The following KIZ variants were observed in gnomAD, a reference collection of about 807,000 sequenced individuals.
KIZ encodes the protein kizuna centrosomal protein.
In KIZ, 68 loss-of-function variants were observed where a neutral mutation model predicts 79.6. That is an observed-to-expected ratio of 0.85 (90% confidence interval 0.70 to 1.05). The LOEUF (loss-of-function observed/expected upper bound fraction) is 1.05. KIZ is among the 50% of genes least tolerant of loss of function. The pLI, the probability that KIZ is intolerant of heterozygous loss-of-function variation, is 0.00. For synonymous variants in KIZ, 280 were observed against 281.8 expected, an observed-to-expected ratio of 0.99 and a Z score of 0.06; for missense variants, 797 against 800.4, an observed-to-expected ratio of 1.00 and a Z score of 0.05.
At chr20:21,219,627 T>C (rs2036435369) in intron 9 of KIZ, among the ~76,000 whole-genome samples, 1 of 152,232 alleles carries the variant, frequency 6.6e-6, no homozygotes. Flanking sequence ...CCTGTGGCTC[T>C]TTAAAAGAGC....
chr20:21,240,118 CTAAT>C (rs2037163290), intron 11 of KIZ, among the ~76,000 whole-genome samples: 1 of 151,866 alleles, frequency 6.6e-6, no homozygotes. Context: ...TTAATTAAAA[CTAAT>C]TAATTAACTA....
chr20:21,205,138 A>G (rs1406887211), intron 6 of KIZ, among the ~76,000 whole-genome samples: 1 of 152,154 alleles, frequency 6.6e-6, no homozygotes, highest in Non-Finnish European at 1.5e-5. Context: ...AAATAAATAA[A>G]TAGATTAAAA....
At chr20:21,133,954 C>T (rs2032010266) in intron 2 of KIZ, among the ~76,000 whole-genome samples, 2 of 152,348 alleles carry the variant, frequency 1.3e-5, no homozygotes, top group African/African-American at 4.8e-5. Context: ...GTAAGGGCAG[C>T]CCCAGGTGGA....
At chr20:21,155,793 C>T (rs1283882036) in intron 4 of KIZ, among the ~76,000 whole-genome samples, 2 of 152,140 alleles carry the variant, frequency 1.3e-5, no homozygotes, top group Non-Finnish European at 1.5e-5. Flanking sequence ...ACTTCATGAC[C>T]TTTCCCTATT....
intron 6 of KIZ, among the ~76,000 whole-genome samples, chr20:21,173,428 A>G (rs1404863759): frequency 6.6e-6 from 1 of 151,898 alleles, no homozygotes; most frequent in Admixed American, 6.6e-5. Flanking sequence ...AAATATAAAA[A>G]TTAGCTGGGT....
intron 1 of KIZ, among the ~76,000 whole-genome samples, chr20:21,128,010 T>G (rs1408157631): frequency 6.6e-6 from 1 of 152,178 alleles, no homozygotes; most frequent in Non-Finnish European, 1.5e-5. Context: ...TGTACCTTTT[T>G]GTTTGTTTGT....
At chr20:21,171,954 GGACATA>G (rs2034225518) in intron 6 of KIZ, among the ~76,000 whole-genome samples, 1 of 152,146 alleles carries the variant, frequency 6.6e-6, no homozygotes, top group African/African-American at 2.4e-5. Context: ...CCAAGGTGCT[GGACATA>G]TAGGTGAAGC....
chr20:21,204,235 C>T (rs901677304), intron 6 of KIZ, among the ~76,000 whole-genome samples: 1 of 147,574 alleles, frequency 6.8e-6, no homozygotes, highest in Non-Finnish European at 1.5e-5. Context: ...CCTGCCTCAG[C>T]CTCCCAAGTA....
At chr20:21,169,113 C>T (rs1466790619) in intron 6 of KIZ, among the ~76,000 whole-genome samples, 2 of 152,140 alleles carry the variant, frequency 1.3e-5, no homozygotes, top group East Asian at 1.9e-4. Flanking sequence ...AGCTTCTGCA[C>T]AGCAAAAGAA....
chr20:21,217,950 G>A (rs1302607269), intron 9 of KIZ, among the ~76,000 whole-genome samples: 2 of 152,152 alleles, frequency 1.3e-5, no homozygotes, highest in Non-Finnish European at 2.9e-5. Flanking sequence ...CCCTGGAAGA[G>A]TGGACACTTT....
At chr20:21,244,487 A>T in intron 12 of KIZ, 199 bp downstream of exon 12, 2 of 591,146 alleles carry the variant, frequency 3.4e-6, no homozygotes, top group South Asian at 4.4e-5. Context: ...CACGGGTGCC[A>T]TGGACCACAG....
intron 6 of KIZ, among the ~76,000 whole-genome samples, chr20:21,202,773 C>T (rs1230739212): frequency 2.6e-5 from 4 of 152,158 alleles, no homozygotes; most frequent in Non-Finnish European, 5.9e-5. Flanking sequence ...GTTTATCCAT[C>T]CTTCCATCAA....
chr20:21,183,898 C>A (rs974111801), intron 6 of KIZ, among the ~76,000 whole-genome samples: 3 of 152,118 alleles, frequency 2.0e-5, no homozygotes, highest in Non-Finnish European at 4.4e-5. Context: ...TTAGGCCCTG[C>A]AGCTGGAGAA....
chr20:21,159,765 G>A (rs1412943070), intron 4 of KIZ, among the ~76,000 whole-genome samples: 2 of 152,114 alleles, frequency 1.3e-5, no homozygotes, highest in Admixed American at 6.6e-5. Context: ...GTCATCTAAT[G>A]TTGGCCATTG....
chr20:21,185,126 T>C (rs1214512682), intron 6 of KIZ, among the ~76,000 whole-genome samples: 2 of 151,796 alleles, frequency 1.3e-5, no homozygotes, highest in African/African-American at 2.4e-5. Context: ...TGTACTTTTA[T>C]ACTGAATCTA....
intron 7 of KIZ, among the ~76,000 whole-genome samples, chr20:21,210,797 A>C (rs2036035547): frequency 6.6e-6 from 1 of 152,092 alleles, no homozygotes; most frequent in African/African-American, 2.4e-5. Context: ...TTGAGAGATG[A>C]AAATGACATC....
At position 21,233,045 on chromosome 20, in the gene KIZ, T is replaced by C. The variant is rs540769706; in HGVS notation, c.1880+215T>C. 89 of 545,146 alleles carry C rather than the reference T, an allele frequency of 1.6e-4. 2 individuals carry two copies. In the East Asian group the frequency reaches 2.6e-3, roughly 16 times the overall value. 33.8% of individuals were successfully genotyped at this position (545,146 alleles called of 1,614,324 possible). On this transcript the variant is annotated intron_variant, in intron 11 of 12. Coordinates refer to ENST00000619189, the MANE Select transcript of KIZ (RefSeq NM_018474.6). ...TGTTTTGCAGCTGTTGTTTCCTTGG[T>C]TTAAGACTCAATTGACACCTCAGTG...
At chr20:21,202,898 A>G (rs978807196) in intron 6 of KIZ, among the ~76,000 whole-genome samples, 10 of 152,128 alleles carry the variant, frequency 6.6e-5, no homozygotes, top group African/African-American at 2.2e-4. Flanking sequence ...AGATCCACCA[A>G]CTGCTCACAT....
At chr20:21,163,297 G>A in intron 6 of KIZ, 138 bp downstream of exon 6, 1 of 580,108 alleles carries the variant, frequency 1.7e-6, no homozygotes, top group Middle Eastern at 3.4e-4. Flanking sequence ...TAATCTTGTA[G>A]GCAAGACCTA....
Sources: allele counts gnomAD v4.1 joint callset (sites outside exome capture counted in the v4.1 genomes callset), GRCh38; gene constraint gnomAD v4.1.1; transcripts MANE v1.5; gene names NCBI Gene and HGNC (gene_info 2026-07-23, HGNC 2026-07-21).